The following CDH26 variants were observed in gnomAD, a reference collection of about 807,000 sequenced individuals.
CDH26 encodes cadherin 26, also known as cadherin-like protein 26.
A neutral mutation model predicts 90.3 loss-of-function variants in CDH26; 83 were observed. The ratio of observed to expected loss-of-function variants is 0.92; its 90% CI spans 0.77 to 1.10. CDH26 has a LOEUF of 1.10. CDH26 is among the 50% of genes least tolerant of loss of function. The pLI, the probability that CDH26 is intolerant of heterozygous loss-of-function variation, is 0.00. For missense variants in CDH26, 1,013 were observed against 1,037.6 expected (o/e 0.98, Z 0.33); for synonymous variants, 397 against 396.3 (o/e 1.00, Z -0.02).
In CDH26 at chr20:59,979,364, A is replaced by G. The variant is rs556045612; in HGVS notation, c.394-3559A>G. On this transcript the variant is annotated intron_variant, in intron 4 of 17. Coordinates refer to ENST00000348616, the MANE Select transcript of CDH26 (RefSeq NM_177980.4). The stretch of plus-strand genomic sequence containing the variant: ...CAGGCGCCTGCCACCATGCAAGGCT[A>G]ATTTTTTGTGTTTTAGTAGAGATAG... Among the ~76,000 whole-genome samples, 3 of 151,926 alleles carry G rather than the reference A, an allele frequency of 2.0e-5. No individual in the cohort carries two copies. The East Asian group carries it at 5.8e-4, about 29-fold the overall frequency.
At chr20:59,993,907 C>A (rs548045769) in intron 10 of CDH26, among the ~76,000 whole-genome samples, 1 of 152,232 alleles carries the variant, frequency 6.6e-6, no homozygotes, top group East Asian at 1.9e-4. Flanking sequence ...CCTTGGGGAC[C>A]CCCATGGTGC....
intron 9 of CDH26, among the ~76,000 whole-genome samples, chr20:59,990,797 G>A (rs2061518487): frequency 6.6e-6 from 1 of 152,092 alleles, no homozygotes; most frequent in African/African-American, 2.4e-5. Context: ...TCAAACTATA[G>A]TGTGTATCAG....
chr20:60,001,271 AC>A lies in CDH26; in HGVS notation c.2098-71del. On this transcript the variant is annotated intron_variant, in intron 14 of 17. Coordinates refer to ENST00000348616, the MANE Select transcript of CDH26 (RefSeq NM_177980.4). The stretch of plus-strand genomic sequence containing the variant: ...GAGCAAGGGGAAGTGGTGAGAGGTC[AC>A]GCATGCCCACTTTGTTTCCAGCTGG... 2.5e-6 allele frequency: 4 copies of A among 1,584,550 alleles called. No homozygotes were observed. In the South Asian group the frequency reaches 4.4e-5, roughly 18 times the overall value.
intron 7 of CDH26, among the ~76,000 whole-genome samples, chr20:60,028,367 A>C (rs2062014959): frequency 6.6e-6 from 1 of 152,226 alleles, no homozygotes; most frequent in African/African-American, 2.4e-5. Flanking sequence ...TGTCTTCCCC[A>C]CTGGGACTGC....
rs913094725 is a variant in CDH26, at chr20:59,992,792, C to G, written c.1426+272C>G. Among the ~76,000 whole-genome samples, 2 of 152,192 alleles carry G rather than the reference C, an allele frequency of 1.3e-5. No individual in the cohort carries two copies. The highest frequency in any genetic ancestry group is 4.8e-5 in the African/African-American group (2 of 41,444). ...AAACCCAGCATCTTTTTCATCTGTT[C>G]ATGAGCTAACTCTTTAGCTCTTTGT... is the stretch of plus-strand genomic sequence containing the variant. On this transcript the variant is annotated intron_variant, in intron 10 of 17. Coordinates refer to ENST00000348616, the MANE Select transcript of CDH26 (RefSeq NM_177980.4). This position sits in a 1 kb window ranked among gnomAD's most constrained non-coding sequence, Gnocchi z 5.0.
At chr20:59,990,611 A>G (rs1045649456) in intron 9 of CDH26, among the ~76,000 whole-genome samples, 2 of 152,236 alleles carry the variant, frequency 1.3e-5, no homozygotes, top group South Asian at 2.1e-4. Flanking sequence ...TGGAATTACT[A>G]GAAAAATTTT....
In CDH26 at chr20:59,992,547, A is replaced by G. The variant is rs1434746196; in HGVS notation, c.1426+27A>G. ...TGAGTGTTTACCCAAAATTGGAAAA[A>G]TAAAATGCTCATTCTTGCTTCCTGC... On this transcript the variant is annotated intron_variant, in intron 10 of 17. Transcript: ENST00000348616. The surrounding 1 kb of genome is among the most constrained non-coding windows in gnomAD (Gnocchi z 5.0). 7.4e-6 allele frequency: 12 copies of G among 1,611,434 alleles called. No individual in the cohort carries two copies. Among genetic ancestry groups the G allele is most frequent in the Non-Finnish European group, 9.3e-6 (11 of 1,177,866 alleles).
At chr20:59,989,504 C>T (rs916565246) in intron 9 of CDH26, among the ~76,000 whole-genome samples, 3 of 145,242 alleles carry the variant, frequency 2.1e-5, no homozygotes, top group East Asian at 2.0e-4. Flanking sequence ...GTCCGCAGTC[C>T]GGCCTGGGCG....
Position 59,967,882 on chromosome 20 carries a change from T to TC in CDH26, c.70-1085_70-1084insC, listed in dbSNP as rs1569024328. ...CTTTCTTTCTTTCTTTCTTTCTTCCTTCCTTCCTTCCTTCCTTCCTTCCTT... is the reference window on the plus strand; with the variant it reads ...CTTTCTTTCTTTCTTTCTTTCTTCCTCTCCTTCCTTCCTTCCTTCCTTCCTT... On this transcript the variant is annotated intron_variant, in intron 1 of 17. Transcript: ENST00000348616. Among the ~76,000 whole-genome samples the TC allele has an allele frequency of 2.7e-3, 310 of 116,430 alleles. 3 individuals are homozygous for TC. The highest frequency in any genetic ancestry group is 0.014 in the African/African-American group (288 of 20,902). The allele number at this position is 116,430 out of a possible 152,430, so 76.4% of individuals were successfully genotyped here.
intron 4 of CDH26, among the ~76,000 whole-genome samples, chr20:59,976,976 T>C (rs979585287): frequency 6.6e-6 from 1 of 152,032 alleles, no homozygotes; most frequent in Non-Finnish European, 1.5e-5. Flanking sequence ...TGAGTAGCCA[T>C]AGAGTGAAGT....
chr20:59,973,359 G>C (rs1000748273), intron 4 of CDH26, among the ~76,000 whole-genome samples: 4 of 151,876 alleles, frequency 2.6e-5, no homozygotes, highest in African/African-American at 9.7e-5. Flanking sequence ...TTGCTTGTTT[G>C]CTTTCAATAT....
Position 59,992,154 on chromosome 20 carries a change from A to C in CDH26, c.1284-224A>C, listed in dbSNP as rs773743326. 1.3e-5 allele frequency among the ~76,000 whole-genome samples: 2 copies of C among 152,182 alleles called. No homozygotes were observed. The highest frequency in any genetic ancestry group is 2.9e-5 in the Non-Finnish European group (2 of 68,004). On this transcript the variant is annotated intron_variant, in intron 9 of 17. Transcript: ENST00000348616. This position sits in a 1 kb window ranked among gnomAD's most constrained non-coding sequence, Gnocchi z 5.0. The stretch of plus-strand genomic sequence containing the variant: ...AGGGGGACGCTTGGTCTTCTGGTGA[A>C]TGTCAATTCCACAGACCTAGGAGAG...
chr20:59,992,123 A>G lies in CDH26; in HGVS notation c.1284-255A>G, dbSNP rs1256434222. Among the ~76,000 whole-genome samples, 3 of 152,184 alleles carry G rather than the reference A, an allele frequency of 2.0e-5. No homozygotes were observed. The highest frequency in any genetic ancestry group is 2.9e-5 in the Non-Finnish European group (2 of 68,030). ...GGCAGACAAAACTATGTTCAGTCCA[A>G]CAAGGAGGGGGACGCTTGGTCTTCT... On this transcript the variant is annotated intron_variant, in intron 9 of 17. Transcript: ENST00000348616. This position sits in a 1 kb window ranked among gnomAD's most constrained non-coding sequence, Gnocchi z 5.0.
rs1204879152 is a variant in CDH26, at chr20:59,967,813, ATTTCTTTCTTTCTTTCTTTCTTTC to A, written c.70-1111_70-1088del. Among the ~76,000 whole-genome samples, 96 of 44,036 alleles carry A rather than the reference ATTTCTTTCTTTCTTTCTTTCTTTC, an allele frequency of 2.2e-3. 1 individual carries two copies. The highest frequency in any genetic ancestry group is 7.3e-3 in the African/African-American group (85 of 11,596). The allele number at this position is 44,036 out of a possible 152,430, so 28.9% of individuals were successfully genotyped here. On this transcript the variant is annotated intron_variant, in intron 1 of 17. Transcript: ENST00000348616. ...CCTTCCCTCCCTCCCTCCCTCCCTC[ATTTCTTTCTTTCTTTCTTTCTTTC>A]TTTCTTTCTTTCTTTCTTTCTTTCT...
At chr20:60,003,676 C>G (rs992135390) in intron 16 of CDH26, among the ~76,000 whole-genome samples, 4 of 152,114 alleles carry the variant, frequency 2.6e-5, no homozygotes, top group African/African-American at 4.8e-5. Context: ...AAACCACTTT[C>G]TGTTATATTA....
chr20:60,003,273 C>A (rs1340528372), intron 16 of CDH26, among the ~76,000 whole-genome samples: 1 of 152,078 alleles, frequency 6.6e-6, no homozygotes, highest in Non-Finnish European at 1.5e-5. Context: ...CTACAAATAA[C>A]TCCATTGTAA....
chr20:59,959,913 T>C (rs1171685234), intron 1 of CDH26, among the ~76,000 whole-genome samples: 3 of 152,174 alleles, frequency 2.0e-5, no homozygotes, highest in African/African-American at 4.8e-5. Context: ...ACAGAGGTAA[T>C]GTTGCATGCG....
At chr20:60,031,152 A>C in intron 7 of CDH26, 2 of 1,036,392 alleles carry the variant, frequency 1.9e-6, no homozygotes, top group South Asian at 6.5e-5. Context: ...GCTGGCGGGA[A>C]TGTAGCAGTG....
At chr20:60,018,702 C>CTTTTTTTTTTTTTTTTT (rs55994712), downstream of CDH26, among the ~76,000 whole-genome samples, 76 of 17,814 alleles carry the variant, frequency 4.3e-3, 9 homozygotes, top group Admixed American at 6.5e-3. Flanking sequence ...CTCTTACTGC[C>CTTTTTTTTTTTTTTTTT]TTTTTTTTTT....
Sources: allele counts gnomAD v4.1 joint callset (sites outside exome capture counted in the v4.1 genomes callset), GRCh38; gene constraint gnomAD v4.1.1; non-coding constraint Gnocchi (gnomAD v3.1); transcripts MANE v1.5; gene names NCBI Gene and HGNC (gene_info 2026-07-23, HGNC 2026-07-21).